NEXN: variants seen among roughly 807,000 people sequenced by gnomAD.
The protein encoded by NEXN is nexilin F-actin binding protein, also known as nexilin.
A neutral mutation model predicts 92.6 loss-of-function variants in NEXN; 65 were observed. The observed-to-expected ratio is 0.70, with a 90% CI of 0.57 to 0.86. The LOEUF is 0.86. NEXN is among the 40% of genes least tolerant of loss of function. The pLI is 0.00. For synonymous variants in NEXN, 254 were observed against 242.5 expected (o/e 1.05, Z -0.44); for missense variants, 778 against 771.1 (o/e 1.01, Z -0.11).
At chr1:77,919,685 C>T (rs1649265210) in intron 5 of NEXN, among the ~76,000 whole-genome samples, 1 of 151,246 alleles carries the variant, frequency 6.6e-6, no homozygotes, top group South Asian at 2.1e-4. Context: ...CTGCAACCTC[C>T]ACCACCCAGG....
At chr1:77,917,476 T>C (rs998076903) in intron 2 of NEXN, 90 bp from the exon 3 acceptor site, 8 of 855,650 alleles carry the variant, frequency 9.3e-6, no homozygotes, top group Admixed American at 7.3e-5. Flanking sequence ...TCAATAAATA[T>C]TTTTTATATT....
chr1:77,903,376 T>A lies in NEXN; in HGVS notation c.-52-12679T>A, dbSNP rs975302041. Among the ~76,000 whole-genome samples the A allele has an allele frequency of 2.6e-5, 4 of 152,328 alleles. No individual in the cohort carries two copies. The East Asian group carries it at 7.7e-4, about 29-fold the overall frequency. ...GTTAAGAGTTCTGAAGAAACTACAT[T>A]AAAGTAGCTGCCCTATAGCAACTGA... On this transcript the variant is annotated intron_variant, in intron 1 of 12. Transcript: ENST00000334785.
chr1:77,937,354 G>A (rs1571160564), intron 11 of NEXN, among the ~76,000 whole-genome samples: 1 of 151,836 alleles, frequency 6.6e-6, no homozygotes, highest in Non-Finnish European at 1.5e-5. Context: ...TATATAGCTG[G>A]ATCATGCTGA....
At chr1:77,924,815 A>G (rs1002227074) in intron 5 of NEXN, among the ~76,000 whole-genome samples, 3 of 152,072 alleles carry the variant, frequency 2.0e-5, no homozygotes, top group Admixed American at 1.3e-4. Flanking sequence ...GCGTGCCACC[A>G]TGCCCAGCTA....
At chr1:77,938,040 A>G (rs904215860) in intron 11 of NEXN, among the ~76,000 whole-genome samples, 2 of 152,056 alleles carry the variant, frequency 1.3e-5, no homozygotes, top group Non-Finnish European at 2.9e-5. Context: ...GATGGAGAGG[A>G]AGAGGAAGGA....
rs761837560 is a variant in NEXN, at chr1:77,925,172, A to G, written c.448-16A>G. On this transcript the variant is annotated splice_polypyrimidine_tract_variant and intron_variant, in intron 5 of 12. Transcript: ENST00000334785. The stretch of plus-strand genomic sequence containing the variant: ...AATCTGATGTAATGTAATGATATGA[A>G]ATTCTCATTCAATAGATTGAGGACA... The G allele has an allele frequency of 3.2e-6, 5 of 1,557,018 alleles. No homozygotes were observed. Among genetic ancestry groups the G allele is most frequent in the Non-Finnish European group, 4.4e-6 (5 of 1,131,098 alleles).
At chr1:77,898,278 A>C (rs1647398343) in intron 1 of NEXN, among the ~76,000 whole-genome samples, 1 of 152,232 alleles carries the variant, frequency 6.6e-6, no homozygotes, top group Non-Finnish European at 1.5e-5. Context: ...AGGCTACAGT[A>C]ACCAAAACAG....
intron 5 of NEXN, 80 bp from the exon 6 acceptor site, chr1:77,925,107 TA>T (rs1159545660): frequency 1.2e-5 from 11 of 901,308 alleles, no homozygotes; most frequent in Non-Finnish European, 2.0e-5. Context: ...AAGTCACAAC[TA>T]AATTACTTTC....
intron 5 of NEXN, among the ~76,000 whole-genome samples, chr1:77,919,508 T>C (rs1260373069): frequency 6.6e-6 from 1 of 152,104 alleles, no homozygotes; most frequent in Non-Finnish European, 1.5e-5. Flanking sequence ...AATACAGCAG[T>C]TCCAAATGGG....
chr1:77,895,123 C>A (rs1344849606), intron 1 of NEXN, among the ~76,000 whole-genome samples: 1 of 131,064 alleles, frequency 7.6e-6, no homozygotes, highest in Non-Finnish European at 1.6e-5. Flanking sequence ...CAGCTCACTG[C>A]AAACTCCGCC....
chr1:77,890,717 T>A (rs1002191494), intron 1 of NEXN, among the ~76,000 whole-genome samples: 1 of 151,996 alleles, frequency 6.6e-6, no homozygotes, highest in African/African-American at 2.4e-5. Flanking sequence ...TTAAAAAAAA[T>A]ACCTGTTATC....
intron 5 of NEXN, among the ~76,000 whole-genome samples, chr1:77,923,906 G>A (rs1649641433): frequency 6.6e-6 from 1 of 151,302 alleles, no homozygotes; most frequent in African/African-American, 2.4e-5. Context: ...TTGATCTCTT[G>A]ACCTCGTGAT....
intron 1 of NEXN, among the ~76,000 whole-genome samples, chr1:77,902,062 G>A (rs1460222407): frequency 6.6e-6 from 1 of 152,058 alleles, no homozygotes; most frequent in Non-Finnish European, 1.5e-5. Context: ...TATTATTTAT[G>A]TAGTAGCCTA....
At chr1:77,927,026 T>C (rs780589550) in intron 8 of NEXN, 134 bp downstream of exon 8, 42 of 1,217,382 alleles carry the variant, frequency 3.5e-5, no homozygotes, top group Non-Finnish European at 4.4e-5. Flanking sequence ...ATATTTCATA[T>C]ATAAAATACA....
chr1:77,903,375 T>C (rs930038587), intron 1 of NEXN, among the ~76,000 whole-genome samples: 2 of 152,190 alleles, frequency 1.3e-5, no homozygotes, highest in African/African-American at 4.8e-5. Flanking sequence ...AGAAACTACA[T>C]TAAAGTAGCT....
Position 77,918,250 on chromosome 1 carries a change from G to T in NEXN, c.424G>T (p.Glu142Ter). The T allele has an allele frequency of 6.2e-7, 1 of 1,613,868 alleles. No homozygotes were observed. Among genetic ancestry groups the T allele is most frequent in the South Asian group, 1.1e-5 (1 of 91,078 alleles). Residue 142 changes from glutamate to a stop codon, truncating the protein, a stop_gained, in exon 5 of 13, where the codon GAA becomes TAA. Transcript: ENST00000334785. LOFTEE classifies it high-confidence loss of function. ...DMLEKRKIQR[E>*]LAKRAEQIED... Reference sequence around the variant, plus strand: ...GTTAGAAAAGAGGAAAATACAGCGTGAATTAGCAAAAAGGGCTGAACAGGT... The same window carrying T: ...GTTAGAAAAGAGGAAAATACAGCGTTAATTAGCAAAAAGGGCTGAACAGGT...
At position 77,914,004 on chromosome 1, in the gene NEXN, T is replaced by G. The variant is rs567654969; in HGVS notation, c.-52-2051T>G. On this transcript the variant is annotated intron_variant, in intron 1 of 12. Transcript: ENST00000334785. ...TATGAAAAGGCTACATACTGTGTGGTTCCAACTGTATGACATTCTGGAAAA... is the reference window on the plus strand; with the variant it reads ...TATGAAAAGGCTACATACTGTGTGGGTCCAACTGTATGACATTCTGGAAAA... Among the ~76,000 whole-genome samples the G allele has an allele frequency of 5.3e-5, 8 of 152,262 alleles. No individual in the cohort carries two copies. In the South Asian group the frequency reaches 1.2e-3, roughly 24 times the overall value.
At chr1:77,889,026 T>A (rs1316340633) in intron 1 of NEXN, 1 of 152,912 alleles carries the variant, frequency 6.5e-6, no homozygotes, top group African/African-American at 2.4e-5. Context: ...TCTGAAAGTG[T>A]CGGCCGGCCT....
chr1:77,926,018 A>C (rs1343882361), intron 6 of NEXN, among the ~76,000 whole-genome samples: 1 of 152,164 alleles, frequency 6.6e-6, no homozygotes, highest in East Asian at 1.9e-4. Context: ...CATAGAGAGA[A>C]AAATCATATG....
Sources: gnomAD v4.1 joint callset for allele counts (sites outside exome capture counted in the v4.1 genomes callset) on GRCh38, gnomAD v4.1.1 for gene constraint, MANE v1.5 for transcripts, NCBI Gene and HGNC (gene_info 2026-07-23, HGNC 2026-07-21) for gene names.